KIF3B: variants seen among roughly 807,000 people sequenced by gnomAD.
KIF3B encodes the protein kinesin family member 3B, also known as kinesin-like protein KIF3B.
In KIF3B, 38 loss-of-function variants were observed where a neutral mutation model predicts 74.3. That is an observed-to-expected ratio of 0.51 (90% CI 0.39 to 0.67). The LOEUF (loss-of-function observed/expected upper bound fraction) is 0.67, where lower values mean the gene tolerates loss of function less well. Ranked by LOEUF, KIF3B falls within the 30% of genes least tolerant of loss-of-function variation. The pLI, the probability that KIF3B is intolerant of heterozygous loss-of-function variation, is 0.00. For synonymous variants in KIF3B, 326 were observed against 342.5 expected (o/e 0.95, Z 0.53); for missense variants, 649 against 932.0 (o/e 0.70, Z 3.95).
chr20:32,287,956 C>T (rs2047674896), intron 1 of KIF3B, among the ~76,000 whole-genome samples: 1 of 135,218 alleles, frequency 7.4e-6, no homozygotes, highest in South Asian at 2.6e-4. Flanking sequence ...AGTCTCAGCT[C>T]ACTGCAACCT....
intron 1 of KIF3B, among the ~76,000 whole-genome samples, chr20:32,308,397 T>G (rs1346279337): frequency 1.3e-5 from 2 of 152,068 alleles, no homozygotes; most frequent in African/African-American, 4.8e-5. Context: ...CTAATTTTTA[T>G]TTTTGTATTT....
chr20:32,287,872 CTTTT>C (rs10699896), intron 1 of KIF3B, among the ~76,000 whole-genome samples: 72 of 47,486 alleles, frequency 1.5e-3, no homozygotes, highest in Admixed American at 2.1e-3. Flanking sequence ...CTAAAAGTAT[CTTTT>C]TTTTTTTTTT....
chr20:32,319,484 T>C (rs1373381726), intron 5 of KIF3B, among the ~76,000 whole-genome samples: 17 of 149,882 alleles, frequency 1.1e-4, no homozygotes, highest in African/African-American at 3.9e-4. Flanking sequence ...CATATATATA[T>C]ATATGTATAT....
At chr20:32,300,314 G>C (rs1398165731) in intron 1 of KIF3B, among the ~76,000 whole-genome samples, 2 of 151,612 alleles carry the variant, frequency 1.3e-5, no homozygotes, top group Admixed American at 1.3e-4. Context: ...GTCTCTCTCT[G>C]TCGCCCGGGC....
intron 1 of KIF3B, among the ~76,000 whole-genome samples, chr20:32,306,636 C>G (rs1026450647): frequency 3.4e-5 from 4 of 117,426 alleles, no homozygotes; most frequent in Non-Finnish European, 6.4e-5. Flanking sequence ...TGTCACCAGG[C>G]TGGAGTGCAG....
intron 1 of KIF3B, among the ~76,000 whole-genome samples, chr20:32,279,026 C>T (rs368769578): frequency 2.0e-5 from 3 of 148,406 alleles, no homozygotes; most frequent in Admixed American, 1.4e-4. Context: ...TGTGTTCAAG[C>T]GATTCTCCTG....
chr20:32,297,900 G>A (rs184110746), intron 1 of KIF3B, among the ~76,000 whole-genome samples: 38 of 152,124 alleles, frequency 2.5e-4, no homozygotes, highest in African/African-American at 8.2e-4. Flanking sequence ...CTGAGGTCAA[G>A]AGTTTGAGAC....
chr20:32,326,074 T>C (rs1473607858), intron 5 of KIF3B, among the ~76,000 whole-genome samples: 2 of 152,162 alleles, frequency 1.3e-5, no homozygotes, highest in Admixed American at 1.3e-4. Context: ...TCATTTCCTT[T>C]TGGCATTGTT....
intron 3 of KIF3B, 26 bp from the exon 4 acceptor site, chr20:32,316,501 C>A: frequency 6.2e-7 from 1 of 1,613,402 alleles, no homozygotes; most frequent in Non-Finnish European, 8.5e-7. Context: ...CTAGGGCAAG[C>A]TGATGAATTT....
At chr20:32,282,226 A>AGGAC (rs2047646549) in intron 1 of KIF3B, among the ~76,000 whole-genome samples, 1 of 152,058 alleles carries the variant, frequency 6.6e-6, no homozygotes, top group Non-Finnish European at 1.5e-5. Context: ...AGATGGTAAG[A>AGGAC]GGACGGATTG....
intron 5 of KIF3B, among the ~76,000 whole-genome samples, chr20:32,318,345 G>GT (rs747750550): frequency 9.2e-5 from 14 of 151,898 alleles, no homozygotes; most frequent in African/African-American, 2.9e-4. Context: ...ACAAATCAGT[G>GT]TTTTTTTAAA....
At chr20:32,328,332 G>A (rs1268981888) in intron 7 of KIF3B, among the ~76,000 whole-genome samples, 1 of 152,056 alleles carries the variant, frequency 6.6e-6, no homozygotes, top group Admixed American at 6.6e-5. Flanking sequence ...GCTGAGGCAG[G>A]AGAATGGCGT....
At chr20:32,305,097 G>A (rs138223514) in intron 1 of KIF3B, among the ~76,000 whole-genome samples, 290 of 152,106 alleles carry the variant, frequency 1.9e-3, no homozygotes, top group Non-Finnish European at 3.0e-3. Context: ...GCAGTGAGCC[G>A]AGATCGCACC....
rs10699896 is a variant in KIF3B, at chr20:32,287,872, CTTTTTTTTTTTTT to C, written c.-66+10123_-66+10135del. 4.6e-4 allele frequency among the ~76,000 whole-genome samples: 22 copies of C among 47,498 alleles called. 1 individual carries two copies. The highest frequency in any genetic ancestry group is 1.5e-3 in the Admixed American group (5 of 3,400). 31.2% of individuals were successfully genotyped at this position (47,498 alleles called of 152,430 possible). On this transcript the variant is annotated intron_variant, in intron 1 of 8. Coordinates refer to ENST00000375712, the MANE Select transcript of KIF3B (RefSeq NM_004798.4). ...CCTTCTTAGGATCCTCTAAAAGTAT[CTTTTTTTTTTTTT>C]TTTTTTTTTTTTTTTCAGATGGAGT...
intron 1 of KIF3B, among the ~76,000 whole-genome samples, chr20:32,286,368 A>T (rs2047667486): frequency 6.6e-6 from 1 of 152,208 alleles, no homozygotes; most frequent in African/African-American, 2.4e-5. Flanking sequence ...ATAAGCAAAA[A>T]ATCTAGCTGG....
chr20:32,297,398 G>A (rs1052578098), intron 1 of KIF3B, among the ~76,000 whole-genome samples: 51 of 152,204 alleles, frequency 3.4e-4, no homozygotes, highest in African/African-American at 1.1e-3. Context: ...ATACAGAAAT[G>A]TTGAAAGAGC....
At position 32,316,593 on chromosome 20, in the gene KIF3B, G is replaced by A; in HGVS notation, c.1573G>A (p.Glu525Lys). The A allele has an allele frequency of 6.2e-7, 1 of 1,614,168 alleles. No individual in the cohort carries two copies. Among genetic ancestry groups the A allele is most frequent in the Non-Finnish European group, 8.5e-7 (1 of 1,180,022 alleles). Residue 525 changes from glutamate (E) to lysine (K), a missense_variant, in exon 4 of 9, where the codon GAG becomes AAG. By Grantham distance (56) the Glu-to-Lys change is moderately conservative. This residue lies in a region of KIF3B where 363 missense variants were observed against 592.8 expected (regional missense o/e 0.61). Coordinates refer to ENST00000375712, the MANE Select transcript of KIF3B (RefSeq NM_004798.4). ...SRDEETLELK[E>K]TYSSLQQEVD... is the part of the protein sequence containing the mutation. Reference sequence around the variant, plus strand: ...AGATGAGGAGACCTTGGAACTTAAAGAGACATACAGCTCATTGCAGCAAGA... The same window carrying A: ...AGATGAGGAGACCTTGGAACTTAAAAAGACATACAGCTCATTGCAGCAAGA...
chr20:32,333,632 C>CAAAAAAAAAAAAAAAAAAAAAA lies in KIF3B; in HGVS notation c.*2318_*2339dup, dbSNP rs71187110. On this transcript the variant is annotated 3_prime_UTR_variant, in exon 9 of 9. Coordinates refer to ENST00000375712, the MANE Select transcript of KIF3B (RefSeq NM_004798.4). ...TGGGTGACAGAGTGAGACTCCCCCT[C>CAAAAAAAAAAAAAAAAAAAAAA]AAAAAAAAAAAAAAAAAAAAAAAAA... The CAAAAAAAAAAAAAAAAAAAAAA allele has an allele frequency of 5.9e-5, 2 of 33,800 alleles. No individual in the cohort carries two copies. The highest frequency in any genetic ancestry group is 9.0e-5 in the African/African-American group (1 of 11,054). The allele number at this position is 33,800 out of a possible 1,614,324, so 2.1% of individuals were successfully genotyped here.
chr20:32,319,572 T>G, intron 5 of KIF3B, among the ~76,000 whole-genome samples: 1 of 141,060 alleles, frequency 7.1e-6, no homozygotes, highest in East Asian at 2.2e-4. Flanking sequence ...TTTTTTTTTG[T>G]TTTGTTTTTG....
Sources: gnomAD v4.1 joint callset for allele counts (sites outside exome capture counted in the v4.1 genomes callset) on GRCh38, gnomAD v4.1.1 for gene constraint, gnomAD v4.1.1 regional missense constraint, MANE v1.5 for transcripts, NCBI Gene and HGNC (gene_info 2026-07-23, HGNC 2026-07-21) for gene names.